SORCS2: variants seen among roughly 807,000 people sequenced by gnomAD.
The protein encoded by SORCS2 is sortilin related VPS10 domain containing receptor 2.
In SORCS2, 100 loss-of-function variants were observed where a neutral mutation model predicts 141.6. The observed-to-expected ratio is 0.71, with a 90% confidence interval of 0.60 to 0.83. The LOEUF (loss-of-function observed/expected upper bound fraction) is 0.83, where lower values mean the gene tolerates loss of function less well. Ranked by LOEUF, SORCS2 falls within the 40% of genes least tolerant of loss-of-function variation. The pLI, the probability that SORCS2 is intolerant of heterozygous loss-of-function variation, is 0.00. For missense variants in SORCS2, 1,646 were observed against 1,560.2 expected, an observed-to-expected ratio of 1.05 and a Z score of -0.93; for synonymous variants, 789 against 676.9, an observed-to-expected ratio of 1.17 and a Z score of -2.57.
At chr4:7,293,282 C>T (rs933056254) in intron 1 of SORCS2, among the ~76,000 whole-genome samples, 10 of 148,872 alleles carry the variant, frequency 6.7e-5, no homozygotes, top group South Asian at 4.3e-4. Flanking sequence ...CTAGCCTGGG[C>T]GAAAGAGCAA....
At chr4:7,248,791 C>A (rs2108802118) in intron 1 of SORCS2, among the ~76,000 whole-genome samples, 1 of 152,272 alleles carries the variant, frequency 6.6e-6, no homozygotes, top group East Asian at 1.9e-4. Flanking sequence ...ACAAATGTTC[C>A]AGAGATTGGA....
Position 7,657,402 on chromosome 4 carries a change from G to A in SORCS2, c.887+3195G>A, listed in dbSNP as rs1048275583. ...TAAATGGATGAGTAAATAACTGAGT[G>A]TGTGATTGAGTGAGGGAATGAACGA... is the stretch of plus-strand genomic sequence containing the variant. On this transcript the variant is annotated intron_variant, in intron 5 of 26. Transcript: ENST00000507866. 4.6e-5 allele frequency among the ~76,000 whole-genome samples: 7 copies of A among 152,086 alleles called. No homozygotes were observed. The South Asian group carries it at 1.0e-3, about 23-fold the overall frequency.
chr4:7,322,493 C>T (rs77548481), intron 1 of SORCS2, among the ~76,000 whole-genome samples: 3,755 of 152,296 alleles, frequency 0.025, 137 homozygotes, highest in African/African-American at 0.082. Context: ...GCCTCATCTC[C>T]GCTCTACCAG....
intron 2 of SORCS2, among the ~76,000 whole-genome samples, chr4:7,520,093 G>A (rs892536951): frequency 6.6e-5 from 10 of 152,202 alleles, no homozygotes; most frequent in Non-Finnish European, 1.0e-4. Flanking sequence ...GTAGGGTGGC[G>A]CTGTTGGCTG....
intron 7 of SORCS2, among the ~76,000 whole-genome samples, chr4:7,666,400 C>T (rs918255549): frequency 6.6e-6 from 1 of 152,226 alleles, no homozygotes; most frequent in Non-Finnish European, 1.5e-5. Context: ...TTCTCAACAA[C>T]TGCAGAGGAA....
intron 24 of SORCS2, 56 bp downstream of exon 24, chr4:7,733,477 A>T: frequency 1.4e-6 from 2 of 1,412,652 alleles, no homozygotes; most frequent in Non-Finnish European, 1.9e-6. Flanking sequence ...CGGGCCCTGG[A>T]GAAGCCATGT....
At chr4:7,718,659 A>G (rs972388089) in intron 18 of SORCS2, among the ~76,000 whole-genome samples, 1 of 152,262 alleles carries the variant, frequency 6.6e-6, no homozygotes, top group Non-Finnish European at 1.5e-5. Context: ...ACAGATACAG[A>G]TATAAATACT....
Position 7,258,099 on chromosome 4 carries a change from C to T in SORCS2, c.480+64973C>T, listed in dbSNP as rs1437811328. Among the ~76,000 whole-genome samples, 4 of 152,298 alleles carry T rather than the reference C, an allele frequency of 2.6e-5. No homozygotes were observed. In the East Asian group the frequency reaches 7.7e-4, roughly 29 times the overall value. On this transcript the variant is annotated intron_variant, in intron 1 of 26. Transcript: ENST00000507866. Reference sequence around the variant, plus strand: ...GTGCTTCCGCTGTGTCCCCTGCTGACTCCTTGGCTCTGTCCACACCTCTGT... The same window carrying T: ...GTGCTTCCGCTGTGTCCCCTGCTGATTCCTTGGCTCTGTCCACACCTCTGT...
intron 2 of SORCS2, chr4:7,433,440 G>C: frequency 6.5e-7 from 1 of 1,538,176 alleles, no homozygotes; most frequent in Non-Finnish European, 8.7e-7. Flanking sequence ...GGGCACACTG[G>C]TCGGTGCCCA....
In SORCS2 at chr4:7,723,901, T is replaced by C. The variant is rs1392133574; in HGVS notation, c.2611+18T>C. On this transcript the variant is annotated intron_variant, in intron 19 of 26. Coordinates refer to ENST00000507866, the MANE Select transcript of SORCS2 (RefSeq NM_020777.3). ...GGTCAACTGTAAGTTTATTGCCCCT[T>C]TGAGGCCAAAGGTCACTCCCTTTGA... The C allele has an allele frequency of 5.0e-6, 8 of 1,586,186 alleles. No individual in the cohort carries two copies. In the African/African-American group the frequency reaches 8.1e-5, roughly 16 times the overall value.
intron 1 of SORCS2, among the ~76,000 whole-genome samples, chr4:7,268,979 C>A (rs935471099): frequency 6.6e-6 from 1 of 152,252 alleles, no homozygotes; most frequent in South Asian, 2.1e-4. Flanking sequence ...AGGGAGGAGG[C>A]CTGGCCTGGG....
At chr4:7,645,963 G>A (rs1007049532) in intron 4 of SORCS2, among the ~76,000 whole-genome samples, 3 of 152,192 alleles carry the variant, frequency 2.0e-5, no homozygotes, top group African/African-American at 4.8e-5. Flanking sequence ...CAGCCCACCC[G>A]GCTGAAAATA....
chr4:7,284,240 T>C (rs1206174347), intron 1 of SORCS2, among the ~76,000 whole-genome samples: 1 of 152,124 alleles, frequency 6.6e-6, no homozygotes, highest in Non-Finnish European at 1.5e-5. Context: ...AATTTCCCCA[T>C]CCAGTTGTTT....
intron 9 of SORCS2, 28 bp from the exon 10 acceptor site, chr4:7,682,715 T>A (rs1182636913): frequency 6.3e-7 from 1 of 1,591,480 alleles, no homozygotes; most frequent in African/African-American, 1.3e-5. Context: ...AGTGTAAGTT[T>A]ACAGTCCTTC....
intron 1 of SORCS2, among the ~76,000 whole-genome samples, chr4:7,386,661 G>A (rs1448788639): frequency 6.9e-6 from 1 of 144,986 alleles, no homozygotes; most frequent in African/African-American, 2.6e-5. Context: ...AGAAATACAT[G>A]CACACACACA....
At chr4:7,208,310 A>G (rs540885470) in intron 1 of SORCS2, among the ~76,000 whole-genome samples, 1 of 152,208 alleles carries the variant, frequency 6.6e-6, no homozygotes, top group South Asian at 2.1e-4. Context: ...CAGCCCCCAC[A>G]GGGTTTCTAC....
intron 3 of SORCS2, among the ~76,000 whole-genome samples, chr4:7,575,093 C>A (rs576692204): frequency 6.6e-6 from 1 of 152,198 alleles, no homozygotes. Flanking sequence ...TGGGGCTCCA[C>A]GTGGCCCTCT....
chr4:7,353,654 T>G (rs993111625), intron 1 of SORCS2, among the ~76,000 whole-genome samples: 1 of 152,242 alleles, frequency 6.6e-6, no homozygotes, highest in Admixed American at 6.5e-5. Context: ...GTGGCACAGG[T>G]GAAACGATGG....
chr4:7,610,566 G>C (rs901074192), intron 3 of SORCS2, among the ~76,000 whole-genome samples: 52 of 152,316 alleles, frequency 3.4e-4, no homozygotes, highest in African/African-American at 1.1e-3. Flanking sequence ...CCATAGCTGA[G>C]GTCTTTCCAC....
Sources: allele counts gnomAD v4.1 joint callset (sites outside exome capture counted in the v4.1 genomes callset), GRCh38; gene constraint gnomAD v4.1.1; transcripts MANE v1.5; gene names NCBI Gene and HGNC (gene_info 2026-07-23, HGNC 2026-07-21).